ADAM32: variants seen among roughly 807,000 people sequenced by gnomAD.
ADAM32 encodes ADAM metallopeptidase domain 32.
In ADAM32, 89 loss-of-function variants were observed where a neutral mutation model predicts 114.9. That is an observed-to-expected ratio of 0.77 (90% CI 0.65 to 0.92). The LOEUF (loss-of-function observed/expected upper bound fraction) is 0.92. Ranked by LOEUF, ADAM32 falls within the 40% of genes least tolerant of loss-of-function variation. The pLI, the probability that ADAM32 is intolerant of heterozygous loss-of-function variation, is 0.00. For synonymous variants in ADAM32, 285 were observed against 307.5 expected (o/e 0.93, Z 0.77); for missense variants, 870 against 932.8 (o/e 0.93, Z 0.88).
intron 15 of ADAM32, 85 bp from the exon 16 acceptor site, chr8:39,233,814 C>CT: frequency 1.1e-6 from 1 of 948,234 alleles, no homozygotes; most frequent in Non-Finnish European, 1.4e-6. Context: ...GAAAACCATT[C>CT]TTTTTGCATC....
chr8:39,212,436 G>A (rs2129448401), intron 12 of ADAM32, among the ~76,000 whole-genome samples: 1 of 152,176 alleles, frequency 6.6e-6, no homozygotes, highest in East Asian at 1.9e-4. Flanking sequence ...GTAAAATTAA[G>A]ATGTATATTT....
intron 19 of ADAM32, among the ~76,000 whole-genome samples, chr8:39,264,025 C>T (rs1812205869): frequency 6.6e-6 from 1 of 152,086 alleles, no homozygotes; most frequent in Non-Finnish European, 1.5e-5. Context: ...TATCTGTAAC[C>T]CTCAAGAAAT....
intron 12 of ADAM32, among the ~76,000 whole-genome samples, chr8:39,217,748 T>C (rs910338659): frequency 2.0e-5 from 3 of 152,214 alleles, no homozygotes; most frequent in Non-Finnish European, 4.4e-5. Context: ...ATTTATCTGA[T>C]AGAATTTTGA....
intron 11 of ADAM32, among the ~76,000 whole-genome samples, chr8:39,188,017 T>C (rs982398143): frequency 3.3e-5 from 5 of 152,162 alleles, no homozygotes; most frequent in Non-Finnish European, 7.4e-5. Flanking sequence ...ATATGGCCTA[T>C]GACGTGGGTA....
intron 10 of ADAM32, among the ~76,000 whole-genome samples, chr8:39,180,734 T>C (rs1288120985): frequency 2.0e-5 from 3 of 152,188 alleles, no homozygotes; most frequent in African/African-American, 7.2e-5. Flanking sequence ...AGTGCACCAA[T>C]TGACACTCTG....
chr8:39,169,959 A>G lies in ADAM32; in HGVS notation c.877A>G (p.Thr293Ala), dbSNP rs1482496448. 2 of 1,602,514 alleles carry G rather than the reference A, an allele frequency of 1.2e-6. No individual in the cohort carries two copies. The highest frequency in any genetic ancestry group is 1.7e-5 in the Admixed American group (1 of 59,784). ...PRYLGAVFPG[T>A]MCITRYSAGV... ...TTATTTGGGAGCAGTGTTTCCTGGA[A>G]CAATGTGTATTACTCGTTATTCTGC... Residue 293 changes from threonine to alanine, a missense_variant, in exon 10 of 25, where the codon ACA becomes GCA. Physicochemically the swap from Thr to Ala is moderately conservative, Grantham distance 58 (BLOSUM62 0). Transcript: ENST00000379907.
At chr8:39,144,111 T>C (rs1310685154) in intron 3 of ADAM32, among the ~76,000 whole-genome samples, 2 of 152,198 alleles carry the variant, frequency 1.3e-5, no homozygotes, top group Non-Finnish European at 1.5e-5. Flanking sequence ...GTACTGTTTC[T>C]CCAGGTACAG....
chr8:39,261,480 G>A (rs571047813), intron 19 of ADAM32, among the ~76,000 whole-genome samples: 39 of 152,268 alleles, frequency 2.6e-4, no homozygotes, highest in African/African-American at 5.8e-4. Context: ...GGTTGATTCC[G>A]TATCTTGACT....
intron 2 of ADAM32, among the ~76,000 whole-genome samples, chr8:39,123,118 C>T (rs576612206): frequency 8.2e-4 from 124 of 152,108 alleles, no homozygotes; most frequent in Non-Finnish European, 1.6e-3. Flanking sequence ...TATACTTTCC[C>T]CACTGAATTG....
At chr8:39,192,435 A>T (rs1335159895) in intron 11 of ADAM32, among the ~76,000 whole-genome samples, 7 of 152,154 alleles carry the variant, frequency 4.6e-5, no homozygotes, top group Non-Finnish European at 1.0e-4. Context: ...TTTCTTGAAG[A>T]CAGCATATCA....
At position 39,254,530 on chromosome 8, in the gene ADAM32, T is replaced by G. The variant is rs1202177645; in HGVS notation, c.2005+14T>G. 1 of 1,520,798 alleles carries G rather than the reference T, an allele frequency of 6.6e-7. No homozygotes were observed. Among genetic ancestry groups the G allele is most frequent in the East Asian group, 2.4e-5 (1 of 42,016 alleles). 94.2% of individuals were successfully genotyped at this position (1,520,798 alleles called of 1,614,324 possible). On this transcript the variant is annotated intron_variant, in intron 18 of 24. Coordinates refer to ENST00000379907, the MANE Select transcript of ADAM32 (RefSeq NM_145004.7). ...AGGAAGATATGGGCAAGTATTTGTC[T>G]CTTTAAATACCCATTTAATAAAATT...
chr8:39,117,008 GGA>G (rs1840404693), intron 1 of ADAM32, among the ~76,000 whole-genome samples: 1 of 151,834 alleles, frequency 6.6e-6, no homozygotes, highest in Non-Finnish European at 1.5e-5. Flanking sequence ...CTCAGCCTCC[GGA>G]GTAGCTGGGA....
chr8:39,194,051 G>A (rs1399248974), intron 11 of ADAM32, among the ~76,000 whole-genome samples: 3 of 152,204 alleles, frequency 2.0e-5, no homozygotes, highest in Admixed American at 2.0e-4. Flanking sequence ...AGTGTGTACT[G>A]GGGTGCTGGC....
At chr8:39,142,976 G>A (rs1803265046) in intron 3 of ADAM32, among the ~76,000 whole-genome samples, 1 of 151,746 alleles carries the variant, frequency 6.6e-6, no homozygotes, top group Admixed American at 6.6e-5. Context: ...CACTGATATT[G>A]TTTCTTCCAC....
chr8:39,109,198 A>G (rs1840051614), intron 1 of ADAM32, among the ~76,000 whole-genome samples: 5 of 152,240 alleles, frequency 3.3e-5, no homozygotes. Flanking sequence ...GATGTTTAAC[A>G]TATTAGAAAT....
At position 39,125,081 on chromosome 8, in the gene ADAM32, C is replaced by T. The variant is rs142579274; in HGVS notation, c.138+6916C>T. On this transcript the variant is annotated intron_variant, in intron 2 of 24. Transcript: ENST00000379907. ...AGTATCTGATTGTGGTTTTGATTTG[C>T]GTATCTCAAATGAGCAATGATGTTG... is the stretch of plus-strand genomic sequence containing the variant. 2.0e-3 allele frequency among the ~76,000 whole-genome samples: 301 copies of T among 152,224 alleles called. 1 individual carries two copies. Among genetic ancestry groups the T allele is most frequent in the African/African-American group, 6.5e-3 (268 of 41,522 alleles).
chr8:39,181,153 A>G (rs1057445188), intron 10 of ADAM32, among the ~76,000 whole-genome samples: 7 of 152,194 alleles, frequency 4.6e-5, no homozygotes. Context: ...CACACTGTGG[A>G]AGCTTTGTTC....
Position 39,190,329 on chromosome 8 carries a change from A to G in ADAM32, c.1052+3284A>G, listed in dbSNP as rs145932072. Among the ~76,000 whole-genome samples, 214 of 152,278 alleles carry G rather than the reference A, an allele frequency of 1.4e-3. 3 individuals carry two copies. Among genetic ancestry groups the G allele is most frequent in the Admixed American group, 0.012 (187 of 15,300 alleles). On this transcript the variant is annotated intron_variant, in intron 11 of 24. Transcript: ENST00000379907. ...CTTAGGTTTATTCCATGTTTTGGCT[A>G]TTGTGAATAGTGCTGCAATAAACAT...
Position 39,118,137 on chromosome 8 carries a change from A to G in ADAM32, c.110A>G (p.Asn37Ser). 4 of 1,490,920 alleles carry G rather than the reference A, an allele frequency of 2.7e-6. No individual in the cohort carries two copies. In the East Asian group the frequency reaches 1.1e-4, roughly 39 times the overall value. 92.4% of individuals were successfully genotyped at this position (1,490,920 alleles called of 1,614,324 possible). A position where few individuals can be genotyped will look rare whatever the true frequency, so the allele number is the denominator to read the frequency against. Residue 37 changes from asparagine (N) to serine (S), a missense_variant, in exon 2 of 25, where the codon AAT becomes AGT. Asn to Ser is a conservative substitution (Grantham distance 46). Transcript: ENST00000379907. ...QIVIPEKIQT[N>S]TNDSSEIEYE... is the part of the protein sequence containing the mutation. ...GTAATTCCAGAGAAAATCCAAACAA[A>G]TACAAATGACAGTTCAGAAATAGAA... is the stretch of plus-strand genomic sequence containing the variant.
Sources: gnomAD v4.1 joint callset for allele counts (sites outside exome capture counted in the v4.1 genomes callset) on GRCh38, gnomAD v4.1.1 for gene constraint, MANE v1.5 for transcripts, NCBI Gene and HGNC (gene_info 2026-07-23, HGNC 2026-07-21) for gene names.